Variants in NALF1 observed in about 807,000 individuals in gnomAD.
NALF1 encodes NALCN channel auxiliary factor 1, also known as family with sequence similarity 155 member A.
In NALF1, 3 loss-of-function variants were observed where a neutral mutation model predicts 48.4. The ratio of observed to expected loss-of-function variants is 0.06; its 90% confidence interval spans 0.03 to 0.16. NALF1 has a LOEUF of 0.16. Among genes scored for constraint, NALF1 ranks in the 10% least tolerant of loss-of-function variants. The pLI is 1.00. For synonymous variants in NALF1, 262 were observed against 245.7 expected, an observed-to-expected ratio of 1.07 and a Z score of -0.62; for missense variants, 526 against 571.5, an observed-to-expected ratio of 0.92 and a Z score of 0.81.
At chr13:107,351,021 T>C (rs944414308) in intron 1 of NALF1, among the ~76,000 whole-genome samples, 4 of 152,240 alleles carry the variant, frequency 2.6e-5, no homozygotes, top group Non-Finnish European at 4.4e-5. Context: ...GGAGACATCG[T>C]TGAACTCTAA....
chr13:107,290,641 A>T (rs1881602192), intron 1 of NALF1, among the ~76,000 whole-genome samples: 1 of 152,156 alleles, frequency 6.6e-6, no homozygotes, highest in African/African-American at 2.4e-5. Flanking sequence ...TTTATAAATT[A>T]TCCAGTCTCG....
chr13:107,514,308 T>G (rs1875986929), intron 1 of NALF1, among the ~76,000 whole-genome samples: 1 of 152,196 alleles, frequency 6.6e-6, no homozygotes. Flanking sequence ...ATTACTTTCC[T>G]ACAGGTCCAA....
intron 1 of NALF1, among the ~76,000 whole-genome samples, chr13:107,412,158 CTTAAACAATAG>C (rs1216472176): frequency 6.6e-6 from 1 of 152,040 alleles, no homozygotes. Flanking sequence ...TTTCCACGCG[CTTAAACAATAG>C]TTTCCCACGT....
At chr13:107,528,185 T>TA (rs1381118000) in intron 1 of NALF1, among the ~76,000 whole-genome samples, 1 of 152,092 alleles carries the variant, frequency 6.6e-6, no homozygotes, top group Non-Finnish European at 1.5e-5. Flanking sequence ...TGCATGTTGG[T>TA]AATAGCAATT....
At chr13:107,622,977 T>G (rs1309004380) in intron 1 of NALF1, among the ~76,000 whole-genome samples, 1 of 152,148 alleles carries the variant, frequency 6.6e-6, no homozygotes, top group Non-Finnish European at 1.5e-5. Context: ...CAAACCTGCT[T>G]TAACCAACAA....
intron 1 of NALF1, among the ~76,000 whole-genome samples, chr13:107,572,736 C>T (rs534558320): frequency 7.9e-5 from 12 of 152,120 alleles, no homozygotes; most frequent in African/African-American, 2.4e-4. Context: ...TTTGAAGTTC[C>T]GAGAACACGC....
intron 1 of NALF1, among the ~76,000 whole-genome samples, chr13:107,451,584 T>C (rs1480213757): frequency 3.3e-5 from 5 of 152,172 alleles, no homozygotes; most frequent in Non-Finnish European, 7.3e-5. Flanking sequence ...TTTCAGCTCC[T>C]TTCTCTTCCA....
chr13:107,273,030 A>C (rs1881207578), intron 1 of NALF1, among the ~76,000 whole-genome samples: 1 of 152,226 alleles, frequency 6.6e-6, no homozygotes, highest in Non-Finnish European at 1.5e-5. Flanking sequence ...AAACAGCAGA[A>C]GCCGGAAGGT....
At chr13:107,662,101 T>C (rs144567840) in intron 1 of NALF1, among the ~76,000 whole-genome samples, 37 of 152,342 alleles carry the variant, frequency 2.4e-4, no homozygotes, top group African/African-American at 8.9e-4. Context: ...TAAAATCAAA[T>C]CCTTCCTCTT....
At position 107,168,879 on chromosome 13, in the gene NALF1, T is replaced by C. The variant is rs1480718284; in HGVS notation, c.*1618A>G. 1 of 152,632 alleles carries C rather than the reference T, an allele frequency of 6.6e-6. No individual in the cohort carries two copies. The highest frequency in any genetic ancestry group is 1.5e-5 in the Non-Finnish European group (1 of 68,042). The allele number at this position is 152,632 out of a possible 1,614,324, so 9.5% of individuals were successfully genotyped here. ...TCACTAAGAGGACCTTTTCTATGGA[T>C]TTCCTTCATCTCTCAGTCACACTGC... On this transcript the variant is annotated 3_prime_UTR_variant, in exon 3 of 3. Coordinates refer to ENST00000375915, the MANE Select transcript of NALF1 (RefSeq NM_001080396.3).
chr13:107,412,819 G>A (rs530559868), intron 1 of NALF1, among the ~76,000 whole-genome samples: 16 of 152,248 alleles, frequency 1.1e-4, no homozygotes, highest in Non-Finnish European at 1.8e-4. Context: ...AGAGACACTT[G>A]GCGTAATAAA....
intron 1 of NALF1, among the ~76,000 whole-genome samples, chr13:107,447,542 A>G (rs567146544): frequency 2.6e-5 from 4 of 152,342 alleles, no homozygotes; most frequent in Admixed American, 2.6e-4. Flanking sequence ...CCAATATGCT[A>G]GGCATCATTC....
At chr13:107,522,742 T>G (rs1038480859) in intron 1 of NALF1, among the ~76,000 whole-genome samples, 2 of 152,066 alleles carry the variant, frequency 1.3e-5, no homozygotes, top group African/African-American at 4.8e-5. Context: ...TAGCTGAGAT[T>G]ACAGGTATGT....
rs971974296 is a variant in NALF1, at chr13:107,174,364, T to G, written c.1088-3578A>C. 1.0e-4 allele frequency among the ~76,000 whole-genome samples: 13 copies of G among 124,742 alleles called. No individual in the cohort carries two copies. The East Asian group carries it at 2.0e-3, about 19-fold the overall frequency. 81.8% of individuals were successfully genotyped at this position (124,742 alleles called of 152,430 possible). ...TTATTTTTATTTATTTATTTATTTA[T>G]TTTTTTTTTTGAGACAGAGTCTCGC... is the stretch of plus-strand genomic sequence containing the variant. On this transcript the variant is annotated intron_variant, in intron 2 of 2. Transcript: ENST00000375915.
chr13:107,465,646 G>A (rs1884990276), intron 1 of NALF1, among the ~76,000 whole-genome samples: 1 of 152,168 alleles, frequency 6.6e-6, no homozygotes, highest in Non-Finnish European at 1.5e-5. Context: ...ATGATGCTAT[G>A]GCTGTTGATG....
At chr13:107,577,632 G>A (rs1168412153) in intron 1 of NALF1, among the ~76,000 whole-genome samples, 6 of 152,108 alleles carry the variant, frequency 3.9e-5, no homozygotes, top group Non-Finnish European at 8.8e-5. Flanking sequence ...AAGTGTTCTT[G>A]CCTCTACTGG....
At chr13:107,425,383 T>C (rs564409168) in intron 1 of NALF1, among the ~76,000 whole-genome samples, 1 of 152,220 alleles carries the variant, frequency 6.6e-6, no homozygotes, top group South Asian at 2.1e-4. Context: ...TTAATATAAG[T>C]GTATGAAAGA....
intron 1 of NALF1, among the ~76,000 whole-genome samples, chr13:107,634,768 A>C (rs1232817398): frequency 2.0e-5 from 3 of 152,176 alleles, no homozygotes; most frequent in Non-Finnish European, 4.4e-5. Context: ...TTCTCTCATC[A>C]AGAAGGAAGA....
At chr13:107,258,606 G>C (rs183398704) in intron 1 of NALF1, among the ~76,000 whole-genome samples, 19 of 152,244 alleles carry the variant, frequency 1.2e-4, no homozygotes, top group Admixed American at 1.2e-3. Flanking sequence ...AACTAGATAA[G>C]CTTGATATAA....
Sources: allele counts gnomAD v4.1 joint callset (sites outside exome capture counted in the v4.1 genomes callset), GRCh38; gene constraint gnomAD v4.1.1; transcripts MANE v1.5; gene names NCBI Gene and HGNC (gene_info 2026-07-23, HGNC 2026-07-21).